Variants in ANO3 observed in about 807,000 individuals in gnomAD.
ANO3 encodes anoctamin-3.
In ANO3, 99 loss-of-function variants were observed where a neutral mutation model predicts 144.8. That is an observed-to-expected ratio of 0.68 (90% CI 0.58 to 0.81). The LOEUF (loss-of-function observed/expected upper bound fraction) is 0.81, where lower values mean the gene tolerates loss of function less well. Ranked by LOEUF, ANO3 falls within the 30% of genes least tolerant of loss-of-function variation. The pLI, the probability that ANO3 is intolerant of heterozygous loss-of-function variation, is 0.00. For synonymous variants in ANO3, 414 were observed against 392.6 expected (o/e 1.05, Z -0.64); for missense variants, 905 against 1,202.2 (o/e 0.75, Z 3.66).
At chr11:26,420,845 G>A (rs1392391685) in intron 1 of ANO3, among the ~76,000 whole-genome samples, 1 of 152,070 alleles carries the variant, frequency 6.6e-6, no homozygotes, top group East Asian at 1.9e-4. Context: ...ATTCTACCAG[G>A]ACTCTCTTAC....
At chr11:26,624,045 C>A (rs1470114108) in intron 17 of ANO3, among the ~76,000 whole-genome samples, 1 of 152,168 alleles carries the variant, frequency 6.6e-6, no homozygotes, top group Non-Finnish European at 1.5e-5. Flanking sequence ...CTAGGCCTCC[C>A]AAAGTGCTGG....
chr11:26,605,414 T>C (rs935412947), intron 17 of ANO3, among the ~76,000 whole-genome samples: 3 of 152,188 alleles, frequency 2.0e-5, no homozygotes, highest in Non-Finnish European at 4.4e-5. Flanking sequence ...CTGCCAGGTT[T>C]TGGTATCAGG....
chr11:26,216,222 T>C (rs1471341470), intron 1 of ANO3, among the ~76,000 whole-genome samples: 1 of 151,974 alleles, frequency 6.6e-6, no homozygotes, highest in African/African-American at 2.4e-5. Context: ...TTTCTAAGGG[T>C]TTTCACAAAT....
At chr11:26,400,283 C>A (rs932478597) in intron 1 of ANO3, among the ~76,000 whole-genome samples, 2 of 151,862 alleles carry the variant, frequency 1.3e-5, no homozygotes, top group East Asian at 3.9e-4. Context: ...AAATCTTAAT[C>A]CTAGGAAGCA....
chr11:26,211,591 G>T (rs1369729768), intron 1 of ANO3, among the ~76,000 whole-genome samples: 2 of 152,118 alleles, frequency 1.3e-5, no homozygotes, highest in Admixed American at 6.6e-5. Context: ...GGAGAAATAG[G>T]AATGCTTTTA....
At chr11:26,240,938 T>C (rs1665608338) in intron 1 of ANO3, among the ~76,000 whole-genome samples, 1 of 152,214 alleles carries the variant, frequency 6.6e-6, no homozygotes, top group African/African-American at 2.4e-5. Flanking sequence ...TTGATATGGT[T>C]TGGCTGTGTC....
chr11:26,523,188 G>T (rs1862154975), intron 6 of ANO3, among the ~76,000 whole-genome samples: 1 of 152,244 alleles, frequency 6.6e-6, no homozygotes, highest in East Asian at 1.9e-4. Context: ...CATGAGAACA[G>T]CTTGGGGGAA....
intron 4 of ANO3, among the ~76,000 whole-genome samples, chr11:26,477,736 T>C (rs1186453806): frequency 6.6e-6 from 1 of 152,124 alleles, no homozygotes. Context: ...TAGGGAAACA[T>C]TGGAATATGT....
chr11:26,423,743 C>T (rs538448884), intron 1 of ANO3, among the ~76,000 whole-genome samples: 1 of 152,010 alleles, frequency 6.6e-6, no homozygotes, highest in Admixed American at 6.6e-5. Context: ...TTCAGAGCTT[C>T]CTGCTTAAAA....
intron 1 of ANO3, among the ~76,000 whole-genome samples, chr11:26,361,268 G>T (rs1399943142): frequency 1.3e-5 from 2 of 152,166 alleles, no homozygotes; most frequent in Non-Finnish European, 2.9e-5. Context: ...TATATTTACA[G>T]CAATTTGGGG....
intron 1 of ANO3, among the ~76,000 whole-genome samples, chr11:26,387,154 A>G (rs1171720729): frequency 2.7e-3 from 249 of 91,242 alleles, no homozygotes; most frequent in Non-Finnish European, 4.3e-3. Context: ...TTTTTTTTTT[A>G]GTAGAGACAG....
intron 6 of ANO3, among the ~76,000 whole-genome samples, chr11:26,521,235 T>C (rs1430460938): frequency 6.6e-6 from 1 of 152,166 alleles, no homozygotes; most frequent in Non-Finnish European, 1.5e-5. Flanking sequence ...TTAAATTATA[T>C]AAAATAATAA....
intron 1 of ANO3, among the ~76,000 whole-genome samples, chr11:26,311,097 T>C (rs975098332): frequency 6.6e-6 from 1 of 152,070 alleles, no homozygotes; most frequent in African/African-American, 2.4e-5. Flanking sequence ...AAAGGAGAAA[T>C]GGGGAATCAA....
chr11:26,200,390 G>T (rs1187638657), intron 1 of ANO3, among the ~76,000 whole-genome samples: 2 of 151,990 alleles, frequency 1.3e-5, no homozygotes, highest in African/African-American at 2.4e-5. Flanking sequence ...GCTTTCTTTG[G>T]CACAGGTGTA....
intron 1 of ANO3, among the ~76,000 whole-genome samples, chr11:26,401,733 C>T (rs533542961): frequency 6.6e-6 from 1 of 151,902 alleles, no homozygotes; most frequent in African/African-American, 2.4e-5. Context: ...AAAAATTAGC[C>T]GGACATGGTG....
intron 1 of ANO3, among the ~76,000 whole-genome samples, chr11:26,410,213 T>C (rs1857395123): frequency 1.3e-5 from 2 of 151,990 alleles, no homozygotes; most frequent in Non-Finnish European, 2.9e-5. Flanking sequence ...CTGGTAGTTT[T>C]ACAACATAGT....
intron 4 of ANO3, among the ~76,000 whole-genome samples, chr11:26,481,296 G>A (rs1173996617): frequency 6.6e-6 from 1 of 152,050 alleles, no homozygotes; most frequent in African/African-American, 2.4e-5. Context: ...GGATACAGGT[G>A]GTTAGAAATT....
chr11:26,214,718 G>A (rs112411307), intron 1 of ANO3, among the ~76,000 whole-genome samples: 6,401 of 151,708 alleles, frequency 0.042, 448 homozygotes, highest in African/African-American at 0.15. Context: ...TTAGTACAAG[G>A]CATTTTACAT....
At chr11:26,494,519 A>G (rs1378600176) in intron 4 of ANO3, among the ~76,000 whole-genome samples, 3 of 152,186 alleles carry the variant, frequency 2.0e-5, no homozygotes, top group Non-Finnish European at 4.4e-5. Flanking sequence ...TGTCCCCACA[A>G]AATTAAAGAA....
Sources: gnomAD v4.1 joint callset for allele counts (sites outside exome capture counted in the v4.1 genomes callset) on GRCh38, gnomAD v4.1.1 for gene constraint, MANE v1.5 for transcripts, NCBI Gene and HGNC (gene_info 2026-07-23, HGNC 2026-07-21) for gene names.